Variants in KCNQ1OT1 observed in about 807,000 individuals in gnomAD.
KCNQ1OT1 encodes KCNQ1 opposite strand/antisense transcript 1, also known as KCNQ1 antisense RNA 2 (non-protein coding).
At chr11:2,685,040 T>A in exon 1 of KCNQ1OT1, 1 of 398,642 alleles carries the variant, frequency 2.5e-6, no homozygotes. Flanking sequence ...GTGAGCACAT[T>A]TCCTGGATTT....
exon 1 of KCNQ1OT1, chr11:2,693,099 G>A (rs1850615431): frequency 2.5e-6 from 1 of 398,522 alleles, no homozygotes; most frequent in Non-Finnish European, 4.4e-6. Flanking sequence ...TACTCTTTAA[G>A]AGTCATTTGC....
rs369251624 is a variant in KCNQ1OT1 at position 2,668,313 on chromosome 11, A to C, written n.31682T>G. The C allele has an allele frequency of 1.5e-5, 6 of 398,486 alleles. No individual in the cohort carries two copies. The highest frequency in any genetic ancestry group is 1.2e-4 in the African/African-American group (6 of 48,610). 24.7% of individuals were successfully genotyped at this position (398,486 alleles called of 1,614,324 possible). ...GAGCATCAGGTTGCGTTTCTGGGGA[A>C]TATATGCCTATGTGTGGAGCTGCAG... On this transcript the variant is annotated non_coding_transcript_exon_variant, in exon 1 of 1. Transcript: ENST00000597346. This position sits in a 1 kb window ranked among gnomAD's most constrained non-coding sequence, Gnocchi z 4.3.
exon 1 of KCNQ1OT1, chr11:2,667,707 T>C (rs570042364): frequency 1.8e-5 from 7 of 398,694 alleles, no homozygotes; most frequent in Non-Finnish European, 3.1e-5. Flanking sequence ...AGTCAGGAAG[T>C]CTGGAAGCCG....
At position 2,642,661 on chromosome 11, in the gene KCNQ1OT1, G is replaced by A. The variant is rs756852; in HGVS notation, n.57334C>T. On this transcript the variant is annotated non_coding_transcript_exon_variant, in exon 1 of 1. Coordinates refer to ENST00000597346, the Ensembl canonical transcript of KCNQ1OT1. This position sits in a 1 kb window ranked among gnomAD's most constrained non-coding sequence, Gnocchi z 4.3. ...TTATATTTATTTAGTTTCTTGTTTA[G>A]TTCTGCTCTGATCTTCGTTATTTCT... The A allele has an allele frequency of 0.31, 124,809 of 397,368 alleles. 23,088 individuals carry two copies. The highest frequency in any genetic ancestry group is 0.4 in the Non-Finnish European group (90,513 of 225,528). The allele number at this position is 397,368 out of a possible 1,614,324, so 24.6% of individuals were successfully genotyped here.
chr11:2,693,442 C>T lies in KCNQ1OT1; in HGVS notation n.6553G>A, dbSNP rs992604225. On this transcript the variant is annotated non_coding_transcript_exon_variant, in exon 1 of 1. Coordinates refer to ENST00000597346, the Ensembl canonical transcript of KCNQ1OT1. Reference sequence around the variant, plus strand: ...GCTTGTTTTGCCAGGCGCTGGCCCCCCATCGAGTCCCCATTCTCTAATGCT... The same window carrying T: ...GCTTGTTTTGCCAGGCGCTGGCCCCTCATCGAGTCCCCATTCTCTAATGCT... 1.5e-5 allele frequency: 6 copies of T among 398,640 alleles called. No individual in the cohort carries two copies. The Admixed American group carries it at 2.2e-4, about 15-fold the overall frequency. 24.7% of individuals were successfully genotyped at this position (398,640 alleles called of 1,614,324 possible). A position where few individuals can be genotyped will look rare whatever the true frequency, so the allele number is the denominator to read the frequency against.
In KCNQ1OT1 at chr11:2,698,502, T is replaced by C; in HGVS notation, n.1493A>G. 2.5e-6 allele frequency: 1 copy of C among 398,472 alleles called. No individual in the cohort carries two copies. Among genetic ancestry groups the C allele is most frequent in the Non-Finnish European group, 4.4e-6 (1 of 226,056 alleles). 24.7% of individuals were successfully genotyped at this position (398,472 alleles called of 1,614,324 possible). On this transcript the variant is annotated non_coding_transcript_exon_variant, in exon 1 of 1. Coordinates refer to ENST00000597346, the Ensembl canonical transcript of KCNQ1OT1. This position sits in a 1 kb window ranked among gnomAD's most constrained non-coding sequence, Gnocchi z 5.1. Reference sequence around the variant, plus strand: ...ACCAAGAGACTTCTACCACTACCTCTCACCTGGCAGGTGATCACCACCCCC... The same window carrying C: ...ACCAAGAGACTTCTACCACTACCTCCCACCTGGCAGGTGATCACCACCCCC...
rs1027941989 is a variant in KCNQ1OT1, at chr11:2,642,242, A to G, written n.57753T>C. ...CATTTTAATTTTGTTAATTCTCCCA[A>G]TCCATGAGAATGGGATGTTTTTTGT... On this transcript the variant is annotated non_coding_transcript_exon_variant, in exon 1 of 1. Transcript: ENST00000597346. The surrounding 1 kb of genome is among the most constrained non-coding windows in gnomAD (Gnocchi z 4.3). 1.5e-5 allele frequency: 6 copies of G among 398,212 alleles called. No homozygotes were observed. Among genetic ancestry groups the G allele is most frequent in the African/African-American group, 6.2e-5 (3 of 48,590 alleles). 24.7% of individuals were successfully genotyped at this position (398,212 alleles called of 1,614,324 possible).
At chr11:2,629,103 AT>A (rs149468188) in exon 1 of KCNQ1OT1, 5,110 of 397,778 alleles carry the variant, frequency 0.013, 155 homozygotes, top group East Asian at 0.079. Flanking sequence ...AAATTTTAGG[AT>A]TTTTTTTGTC....
Position 2,614,316 on chromosome 11 carries a change from TTCTG to T in KCNQ1OT1, n.85675_85678del, listed in dbSNP as rs1849026065. 1.0e-5 allele frequency: 4 copies of T among 398,626 alleles called. No individual in the cohort carries two copies. In the East Asian group the frequency reaches 1.4e-4, roughly 14 times the overall value. The allele number at this position is 398,626 out of a possible 1,614,324, so 24.7% of individuals were successfully genotyped here. On this transcript the variant is annotated non_coding_transcript_exon_variant, in exon 1 of 1. Coordinates refer to ENST00000597346, the Ensembl canonical transcript of KCNQ1OT1. ...TAGAGTCTTCTTTTTCTGGTGATAA[TTCTG>T]TCTGTGCTGCTTTTTAGTCTTCTGT... is the stretch of plus-strand genomic sequence containing the variant.
exon 1 of KCNQ1OT1, chr11:2,680,816 A>G (rs1850384414): frequency 5.0e-6 from 2 of 398,294 alleles, no homozygotes; most frequent in Admixed American, 4.4e-5. Context: ...GGAACCACAT[A>G]GCAAATCACC....
chr11:2,676,165 T>G lies in KCNQ1OT1; in HGVS notation n.23830A>C, dbSNP rs778920305. 8 of 398,498 alleles carry G rather than the reference T, an allele frequency of 2.0e-5. No individual in the cohort carries two copies. Among genetic ancestry groups the G allele is most frequent in the Non-Finnish European group, 3.5e-5 (8 of 226,068 alleles). 24.7% of individuals were successfully genotyped at this position (398,498 alleles called of 1,614,324 possible). ...CATACTGTATGTATTTTTCTACACT[T>G]TGCCTTTGACTTCTTCCATAGGTAT... On this transcript the variant is annotated non_coding_transcript_exon_variant, in exon 1 of 1. Transcript: ENST00000597346. The surrounding 1 kb of genome is among the most constrained non-coding windows in gnomAD (Gnocchi z 4.2).
At position 2,670,392 on chromosome 11, in the gene KCNQ1OT1, A is replaced by T; in HGVS notation, n.29603T>A. 2.5e-6 allele frequency: 1 copy of T among 398,258 alleles called. No individual in the cohort carries two copies. The highest frequency in any genetic ancestry group is 4.4e-6 in the Non-Finnish European group (1 of 226,026). The allele number at this position is 398,258 out of a possible 1,614,324, so 24.7% of individuals were successfully genotyped here. ...CTGAAATTCCAAGAGCATTAACCAG[A>T]CACCTACTATGTGTATTTCTTGTGT... On this transcript the variant is annotated non_coding_transcript_exon_variant, in exon 1 of 1. Transcript: ENST00000597346. This position sits in a 1 kb window ranked among gnomAD's most constrained non-coding sequence, Gnocchi z 4.9.
chr11:2,658,939 T>C lies in KCNQ1OT1; in HGVS notation n.41056A>G, dbSNP rs1849901094. Reference sequence around the variant, plus strand: ...AGCAAATTTACCTACTAGATTAGAGTGTTTAGGACAGACTTTTGCTTTAAC... The same window carrying C: ...AGCAAATTTACCTACTAGATTAGAGCGTTTAGGACAGACTTTTGCTTTAAC... On this transcript the variant is annotated non_coding_transcript_exon_variant, in exon 1 of 1. Transcript: ENST00000597346. This position sits in a 1 kb window ranked among gnomAD's most constrained non-coding sequence, Gnocchi z 4.9. 2.5e-6 allele frequency: 1 copy of C among 398,340 alleles called. No individual in the cohort carries two copies. Among genetic ancestry groups the C allele is most frequent in the Admixed American group, 4.4e-5 (1 of 22,692 alleles). 24.7% of individuals were successfully genotyped at this position (398,340 alleles called of 1,614,324 possible).
chr11:2,614,988 C>T (rs973816223), exon 1 of KCNQ1OT1: 8 of 398,214 alleles, frequency 2.0e-5, no homozygotes, highest in South Asian at 2.5e-4. Context: ...TGGGTAATAT[C>T]GCCAACTTAA....
At position 2,657,769 on chromosome 11, in the gene KCNQ1OT1, A is replaced by C. The variant is rs1337210705; in HGVS notation, n.42226T>G. ...GGCTTCTCAGTCTTGTTCTTCATTA[A>C]CTTGACACTTTTGAAGAATACCAGT... is the stretch of plus-strand genomic sequence containing the variant. On this transcript the variant is annotated non_coding_transcript_exon_variant, in exon 1 of 1. Transcript: ENST00000597346. This position sits in a 1 kb window ranked among gnomAD's most constrained non-coding sequence, Gnocchi z 4.8. 1 of 398,442 alleles carries C rather than the reference A, an allele frequency of 2.5e-6. No individual in the cohort carries two copies. Among genetic ancestry groups the C allele is most frequent in the Non-Finnish European group, 4.4e-6 (1 of 226,064 alleles). The allele number at this position is 398,442 out of a possible 1,614,324, so 24.7% of individuals were successfully genotyped here. A position where few individuals can be genotyped will look rare whatever the true frequency, so the allele number is the denominator to read the frequency against.
Position 2,645,378 on chromosome 11 carries a change from G to A in KCNQ1OT1, n.54617C>T, listed in dbSNP as rs753994455. 6.8e-5 allele frequency: 27 copies of A among 398,704 alleles called. No individual in the cohort carries two copies. Among genetic ancestry groups the A allele is most frequent in the Non-Finnish European group, 1.1e-4 (25 of 226,264 alleles). The allele number at this position is 398,704 out of a possible 1,614,324, so 24.7% of individuals were successfully genotyped here. On this transcript the variant is annotated non_coding_transcript_exon_variant, in exon 1 of 1. Coordinates refer to ENST00000597346, the Ensembl canonical transcript of KCNQ1OT1. The surrounding 1 kb of genome is among the most constrained non-coding windows in gnomAD (Gnocchi z 5.8). ...TATGCGCTGGCACTGGGAGAAAAGA[G>A]GGTGGGACCAGGCCAGGTGGGCCTG...
exon 1 of KCNQ1OT1, chr11:2,636,769 C>G (rs1409248295): frequency 6.6e-6 from 1 of 152,252 alleles, no homozygotes; most frequent in East Asian, 1.9e-4. Flanking sequence ...AGTACCAGCT[C>G]CTCCTTGTAC....
At chr11:2,640,140 ACC>A (rs932268910) in exon 1 of KCNQ1OT1, 8 of 348,084 alleles carry the variant, frequency 2.3e-5, no homozygotes, top group African/African-American at 1.1e-4. Context: ...GAATTCCCTG[ACC>A]CCTTGTGCTT....
In KCNQ1OT1 at chr11:2,660,089, TTGGTTTCG is replaced by T. The variant is rs576352043; in HGVS notation, n.39898_39905del. On this transcript the variant is annotated non_coding_transcript_exon_variant, in exon 1 of 1. Transcript: ENST00000597346. The stretch of plus-strand genomic sequence containing the variant: ...TCTTTTTCTCTTACGAGTTAAACTT[TTGGTTTCG>T]TATTTCAGAATTCACTGCCAAATCC... 6.5e-3 allele frequency: 2,604 copies of T among 398,468 alleles called. 14 individuals carry two copies. Among genetic ancestry groups the T allele is most frequent in the South Asian group, 0.013 (106 of 7,862 alleles). The allele number at this position is 398,468 out of a possible 1,614,324, so 24.7% of individuals were successfully genotyped here. A position where few individuals can be genotyped will look rare whatever the true frequency, so the allele number is the denominator to read the frequency against.
Sources: allele counts gnomAD v4.1 joint callset, GRCh38; gene constraint gnomAD v4.1.1; non-coding constraint Gnocchi (gnomAD v3.1); transcripts MANE v1.5; gene names NCBI Gene and HGNC (gene_info 2026-07-23, HGNC 2026-07-21).